Variants in KIAA0753 observed in about 807,000 individuals in gnomAD.
KIAA0753 encodes the protein protein moonraker.
A neutral mutation model predicts 116.9 loss-of-function variants in KIAA0753; 114 were observed. That is an observed-to-expected ratio of 0.98 (90% CI 0.84 to 1.14). The LOEUF is 1.14. KIAA0753 is among the 50% of genes most tolerant of loss of function. The probability of loss-of-function intolerance (pLI) is 0.00; values close to 1 mark genes in which losing one functional copy is unlikely to be tolerated. For missense variants in KIAA0753, 1,156 were observed against 1,172.4 expected (o/e 0.99, Z 0.20); for synonymous variants, 405 against 413.1 (o/e 0.98, Z 0.24).
At chr17:6,579,931 C>T in intron 18 of KIAA0753, 67 bp from the exon 19 acceptor site, 1 of 1,216,810 alleles carries the variant, frequency 8.2e-7, no homozygotes, top group South Asian at 1.2e-5. Context: ...ACCTGTCATC[C>T]CAGCACTTTG....
At chr17:6,587,737 C>T (rs927816460) in intron 18 of KIAA0753, among the ~76,000 whole-genome samples, 2 of 152,214 alleles carry the variant, frequency 1.3e-5, no homozygotes, top group Admixed American at 1.3e-4. Context: ...AGAAAAGTCT[C>T]AGGACTTCAG....
chr17:6,620,567 C>T (rs1230430696), intron 7 of KIAA0753, among the ~76,000 whole-genome samples: 1 of 152,070 alleles, frequency 6.6e-6, no homozygotes. Context: ...GTAGCCCAAA[C>T]ACTATGATGT....
chr17:6,623,590 A>G lies in KIAA0753; in HGVS notation c.826-19T>C, dbSNP rs775321968. 3 of 1,603,582 alleles carry G rather than the reference A, an allele frequency of 1.9e-6. No homozygotes were observed. In the African/African-American group the frequency reaches 4.0e-5, roughly 22 times the overall value. On this transcript the variant is annotated intron_variant, in intron 4 of 18. Coordinates refer to ENST00000361413, the MANE Select transcript of KIAA0753 (RefSeq NM_014804.3). ...CTTTTACCTGTTTTGTAAAGGGGAA[A>G]AAAGAAAACTTCATACCTTTCCATT...
In KIAA0753 at chr17:6,600,446, G is replaced by C; in HGVS notation, c.2022C>G (p.Thr674=). ...CCTCCTCTACCTTGTCTGCTAAGTG[G>C]GTGGCAGAAACACTATTTAGAAATA... ...YRLQQLSVSA[T]HLADKVEEAV... is the part of the protein sequence containing the mutation. The change falls in exon 13 of 19, where the codon ACC becomes ACG. Residue 674 remains threonine, a synonymous_variant. Coordinates refer to ENST00000361413, the MANE Select transcript of KIAA0753 (RefSeq NM_014804.3). 1 of 1,612,446 alleles carries C rather than the reference G, an allele frequency of 6.2e-7. No individual in the cohort carries two copies. Among genetic ancestry groups the C allele is most frequent in the East Asian group, 2.2e-5 (1 of 44,866 alleles).
At position 6,579,402 on chromosome 17, in the gene KIAA0753, G is replaced by T; in HGVS notation, c.*345C>A. The T allele has an allele frequency of 5.0e-6, 1 of 198,980 alleles. No individual in the cohort carries two copies. Among genetic ancestry groups the T allele is most frequent in the East Asian group, 1.2e-4 (1 of 8,450 alleles). 12.3% of individuals were successfully genotyped at this position (198,980 alleles called of 1,614,324 possible). ...ACCTGAATCCTTGTGTGAAATATAC[G>T]TATCGATTATCTTTCAAAACATTTT... On this transcript the variant is annotated 3_prime_UTR_variant, in exon 19 of 19. Transcript: ENST00000361413.
chr17:6,610,229 C>T (rs1231424130), intron 8 of KIAA0753, 69 bp from the exon 9 acceptor site: 20 of 1,508,922 alleles, frequency 1.3e-5, no homozygotes, highest in Non-Finnish European at 1.8e-5. Flanking sequence ...ACCTCTGACT[C>T]ACTGAAGCTC....
chr17:6,631,080 A>G (rs1357730619), intron 2 of KIAA0753, among the ~76,000 whole-genome samples: 1 of 152,142 alleles, frequency 6.6e-6, no homozygotes, highest in Non-Finnish European at 1.5e-5. Flanking sequence ...TACACGAGAG[A>G]CAGGAAGAAA....
intron 12 of KIAA0753, among the ~76,000 whole-genome samples, chr17:6,605,587 T>TA (rs1315843161): frequency 6.6e-6 from 1 of 152,230 alleles, no homozygotes; most frequent in African/African-American, 2.4e-5. Flanking sequence ...TCAGCTAGAT[T>TA]TGTGCCTGTT....
chr17:6,625,102 T>C (rs1971580273), intron 3 of KIAA0753, among the ~76,000 whole-genome samples: 1 of 152,162 alleles, frequency 6.6e-6, no homozygotes, highest in Non-Finnish European at 1.5e-5. Context: ...CAAGCTCCCC[T>C]CCAGCCAGAA....
chr17:6,633,643 A>G (rs1023919145), intron 2 of KIAA0753, among the ~76,000 whole-genome samples: 4 of 152,362 alleles, frequency 2.6e-5, no homozygotes, highest in Non-Finnish European at 4.4e-5. Flanking sequence ...CCAGGTGTCC[A>G]TTAATTGGAG....
At position 6,579,909 on chromosome 17, in the gene KIAA0753, G is replaced by A. The variant is rs763557863; in HGVS notation, c.2787-45C>T. The stretch of plus-strand genomic sequence containing the variant: ...ACTAAAGGTATGTACAAGGCCAGGC[G>A]CGGTGGCTCACACCTGTCATCCCAG... On this transcript the variant is annotated intron_variant, in intron 18 of 18. Coordinates refer to ENST00000361413, the MANE Select transcript of KIAA0753 (RefSeq NM_014804.3). 2.6e-5 allele frequency: 38 copies of A among 1,448,100 alleles called. 1 individual carries two copies. Among genetic ancestry groups the A allele is most frequent in the East Asian group, 4.6e-5 (2 of 43,926 alleles). 89.7% of individuals were successfully genotyped at this position (1,448,100 alleles called of 1,614,324 possible).
intron 18 of KIAA0753, among the ~76,000 whole-genome samples, chr17:6,586,974 C>T (rs947265142): frequency 6.6e-6 from 1 of 152,148 alleles, no homozygotes; most frequent in Non-Finnish European, 1.5e-5. Context: ...GTGGCTCATG[C>T]CTGTAATCCC....
chr17:6,612,108 C>T lies in KIAA0753; in HGVS notation c.1356G>A (p.Arg452=). The T allele has an allele frequency of 6.2e-7, 1 of 1,614,138 alleles. No homozygotes were observed. Among genetic ancestry groups the T allele is most frequent in the Non-Finnish European group, 8.5e-7 (1 of 1,179,980 alleles). ...QPDTELPETQ[R]LQSELDVLDA... is the part of the protein sequence containing the mutation. ...CTAATACATCAAGCTCACTCTGCAACCTCTGGGTCTCCGGAAGCTCCGTAT... is the reference window on the plus strand; with the variant it reads ...CTAATACATCAAGCTCACTCTGCAATCTCTGGGTCTCCGGAAGCTCCGTAT... The change falls in exon 8 of 19, where the codon AGG becomes AGA. Residue 452 remains arginine (R), a synonymous_variant. Transcript: ENST00000361413.
chr17:6,616,099 A>G (rs1173277457), intron 7 of KIAA0753, among the ~76,000 whole-genome samples: 1 of 152,204 alleles, frequency 6.6e-6, no homozygotes, highest in Admixed American at 6.5e-5. Flanking sequence ...TGAAATCCAG[A>G]TAAGGACAAG....
intron 18 of KIAA0753, among the ~76,000 whole-genome samples, chr17:6,583,578 C>T (rs1597451530): frequency 6.6e-6 from 1 of 152,226 alleles, no homozygotes; most frequent in African/African-American, 2.4e-5. Flanking sequence ...TGGATATTTT[C>T]TTCTGTCCTA....
chr17:6,616,803 G>A (rs976703881), intron 7 of KIAA0753, among the ~76,000 whole-genome samples: 2 of 152,132 alleles, frequency 1.3e-5, no homozygotes, highest in African/African-American at 2.4e-5. Context: ...TCCAGCCTGG[G>A]CGACAAAGCA....
intron 2 of KIAA0753, among the ~76,000 whole-genome samples, chr17:6,632,866 A>T (rs912304490): frequency 5.3e-5 from 8 of 152,212 alleles, no homozygotes. Flanking sequence ...CTTAAAAAAA[A>T]TCAATGTCAC....
chr17:6,580,378 C>T (rs62062912), intron 18 of KIAA0753, among the ~76,000 whole-genome samples: 17,535 of 149,024 alleles, frequency 0.12, 1,639 homozygotes, highest in East Asian at 0.39. Flanking sequence ...GCAGTGGCAC[C>T]ATCTCGGCTC....
intron 17 of KIAA0753, 104 bp from the exon 18 acceptor site, chr17:6,590,107 T>A: frequency 1.1e-6 from 1 of 945,932 alleles, no homozygotes. Context: ...CATCTTGATT[T>A]CTCTTTCTCA....
Sources: allele counts gnomAD v4.1 joint callset (sites outside exome capture counted in the v4.1 genomes callset), GRCh38; gene constraint gnomAD v4.1.1; transcripts MANE v1.5; gene names NCBI Gene and HGNC (gene_info 2026-07-23, HGNC 2026-07-21).